TUB: variants seen among roughly 807,000 people sequenced by gnomAD.
TUB encodes the protein TUB bipartite transcription factor.
A neutral mutation model predicts 59.7 loss-of-function variants in TUB; 33 were observed. The observed-to-expected ratio is 0.55, with a 90% CI of 0.42 to 0.74. TUB has a LOEUF of 0.74. TUB is among the 30% of genes least tolerant of loss of function. The pLI is 0.00. For missense variants in TUB, 659 were observed against 672.0 expected, an observed-to-expected ratio of 0.98 and a Z score of 0.21; for synonymous variants, 293 against 256.4, an observed-to-expected ratio of 1.14 and a Z score of -1.36.
intron 1 of TUB, among the ~76,000 whole-genome samples, chr11:8,030,016 G>A (rs1422279183): frequency 2.0e-5 from 3 of 152,310 alleles, no homozygotes; most frequent in East Asian, 1.9e-4. Context: ...GAGGAATGGC[G>A]TTAGAGGGCA....
At chr11:8,087,680 A>G (rs984319396) in intron 1 of TUB, among the ~76,000 whole-genome samples, 7 of 152,362 alleles carry the variant, frequency 4.6e-5, no homozygotes, top group East Asian at 1.9e-4. Flanking sequence ...CACGGGGGAC[A>G]CTGGTGTTCG....
chr11:8,055,778 G>T (rs1190976469), intron 2 of TUB, among the ~76,000 whole-genome samples: 2 of 152,232 alleles, frequency 1.3e-5, no homozygotes, highest in African/African-American at 2.4e-5. Context: ...GTCTGGCAAG[G>T]CATAGGAAAG....
At chr11:8,045,668 G>C (rs1942819732) in intron 2 of TUB, among the ~76,000 whole-genome samples, 1 of 152,166 alleles carries the variant, frequency 6.6e-6, no homozygotes, top group Admixed American at 6.5e-5. Context: ...TCCAAAACTT[G>C]AAAAAATCCA....
At position 8,095,492 on chromosome 11, in the gene TUB, C is replaced by A. The variant is rs760094717; in HGVS notation, c.398-6C>A. 5 of 1,606,462 alleles carry A rather than the reference C, an allele frequency of 3.1e-6. No homozygotes were observed. The highest frequency in any genetic ancestry group is 4.3e-6 in the Non-Finnish European group (5 of 1,175,494). ...GATGTAACTCAGGCGTGTCCGTGGC[C>A]TGCAGGCACCAGCGGGCCAGCAGCA... On this transcript the variant is annotated splice_region_variant and splice_polypyrimidine_tract_variant and intron_variant, in intron 4 of 11. Transcript: ENST00000299506.
In TUB at chr11:8,081,349, G is replaced by A; in HGVS notation, c.-162G>A. On this transcript the variant is annotated 5_prime_UTR_variant, in exon 1 of 12. Transcript: ENST00000299506. ...GCGCAGGCAGCCGCTCGCAGAGCCA[G>A]CAGCCGGGGCCCTGGCGTGCAGCGC... 1.0e-6 allele frequency: 1 copy of A among 986,820 alleles called. No homozygotes were observed. Among genetic ancestry groups the A allele is most frequent in the Non-Finnish European group, 1.2e-6 (1 of 831,426 alleles). The allele number at this position is 986,820 out of a possible 1,614,324, so 61.1% of individuals were successfully genotyped here.
chr11:8,074,879 T>A (rs1423834907), intron 2 of TUB, among the ~76,000 whole-genome samples: 1 of 149,370 alleles, frequency 6.7e-6, no homozygotes, highest in Non-Finnish European at 1.5e-5. Flanking sequence ...CCCAAGTAGC[T>A]GGGATTACAG....
intron 2 of TUB, among the ~76,000 whole-genome samples, chr11:8,070,713 C>T (rs1044898126): frequency 6.6e-6 from 1 of 152,170 alleles, no homozygotes; most frequent in African/African-American, 2.4e-5. Flanking sequence ...CTTTGGCTTG[C>T]GGGGCAGGGA....
rs780069119 is a variant in TUB, at chr11:8,095,644, C to T, written c.544C>T (p.Arg182Cys). 93 of 1,605,250 alleles carry T rather than the reference C, an allele frequency of 5.8e-5. 2 individuals carry two copies. The South Asian group carries it at 9.1e-4, about 16-fold the overall frequency. Residue 182 changes from arginine to cysteine, a missense_variant, in exon 5 of 12, where the codon CGT (arginine) becomes TGT (cysteine). Arg to Cys is a radical substitution (Grantham distance 180, BLOSUM62 -3). Coordinates refer to ENST00000299506, the MANE Select transcript of TUB (RefSeq NM_177972.3). ...GGERPSGQDL[R>C]ATMQRKGISS... is the part of the protein sequence containing the mutation. ...CGAACGGCCCAGCGGGCAGGATCTC[C>T]GTGCCACGATGCAGAGGAAGGGTGA... is the stretch of plus-strand genomic sequence containing the variant.
In TUB at chr11:8,097,426, G is replaced by A; in HGVS notation, c.885+1G>A. 6.2e-7 allele frequency: 1 copy of A among 1,614,208 alleles called. No individual in the cohort carries two copies. Among genetic ancestry groups the A allele is most frequent in the Non-Finnish European group, 8.5e-7 (1 of 1,180,036 alleles). ...CCTGGACCGTGAGGATGGGAAGAAG[G>A]TAAGGTTGGTCTGGGCATGTTATCA... On this transcript the variant is annotated splice_donor_variant, in intron 7 of 11. Transcript: ENST00000299506. LOFTEE classifies it high-confidence loss of function.
chr11:8,073,573 C>T (rs1424452962), intron 2 of TUB, among the ~76,000 whole-genome samples: 1 of 152,184 alleles, frequency 6.6e-6, no homozygotes, highest in Non-Finnish European at 1.5e-5. Flanking sequence ...ATAAATTCTG[C>T]ATTTATGAAT....
chr11:8,059,458 G>T (rs958992781), intron 2 of TUB, among the ~76,000 whole-genome samples: 3 of 152,186 alleles, frequency 2.0e-5, no homozygotes, highest in African/African-American at 4.8e-5. Flanking sequence ...CCACAGATTT[G>T]TGTTAAAAAT....
intron 2 of TUB, among the ~76,000 whole-genome samples, chr11:8,075,140 T>C (rs555208059): frequency 1.2e-4 from 19 of 152,084 alleles, no homozygotes; most frequent in African/African-American, 4.4e-4. Flanking sequence ...TCCTAATTAA[T>C]AGACATTTTG....
In TUB at chr11:8,105,487, CAG is replaced by C. The variant is rs1231580157; in HGVS notation, c.*3869_*3870del. 2.0e-5 allele frequency: 3 copies of C among 152,048 alleles called. No individual in the cohort carries two copies. Among genetic ancestry groups the C allele is most frequent in the Non-Finnish European group, 4.4e-5 (3 of 68,002 alleles). 9.4% of individuals were successfully genotyped at this position (152,048 alleles called of 1,614,324 possible). On this transcript the variant is annotated 3_prime_UTR_variant, in exon 12 of 12. Coordinates refer to ENST00000299506, the MANE Select transcript of TUB (RefSeq NM_177972.3). ...GAGGGGCAGAACAGATAGATTACGA[CAG>C]GTTTGGTTTTTAAATTTTCCAACCA...
intron 3 of TUB, among the ~76,000 whole-genome samples, chr11:8,091,657 AC>A (rs1213976060): frequency 6.6e-6 from 1 of 152,014 alleles, no homozygotes; most frequent in East Asian, 1.9e-4. Context: ...TCAGTTCAGC[AC>A]CCTGGCCATA....
At chr11:8,065,882 C>T (rs1416199688) in intron 2 of TUB, among the ~76,000 whole-genome samples, 1 of 152,362 alleles carries the variant, frequency 6.6e-6, no homozygotes, top group Non-Finnish European at 1.5e-5. Flanking sequence ...CCTAGCACCA[C>T]TCCTGCACAT....
intron 1 of TUB, among the ~76,000 whole-genome samples, chr11:8,033,526 T>G (rs1423104012): frequency 6.6e-6 from 1 of 152,206 alleles, no homozygotes; most frequent in East Asian, 1.9e-4. Context: ...ACTCTGTAGT[T>G]CAGGACATAT....
At chr11:8,081,915 A>C (rs1310501741) in intron 1 of TUB, among the ~76,000 whole-genome samples, 1 of 152,200 alleles carries the variant, frequency 6.6e-6, no homozygotes. Flanking sequence ...ATCTGCACGC[A>C]TGCACCCACA....
At chr11:8,062,076 G>A (rs1185873687) in intron 2 of TUB, 1 of 152,776 alleles carries the variant, frequency 6.5e-6, no homozygotes, top group Admixed American at 6.5e-5. Flanking sequence ...ACAACAGGCT[G>A]GGGGACTCAA....
chr11:8,059,833 AAT>A (rs1179444662), intron 2 of TUB, among the ~76,000 whole-genome samples: 2 of 152,106 alleles, frequency 1.3e-5, no homozygotes, highest in Non-Finnish European at 2.9e-5. Flanking sequence ...TTAAAAGTGT[AAT>A]GTTCCTGGAG....
Sources: gnomAD v4.1 joint callset for allele counts (sites outside exome capture counted in the v4.1 genomes callset) on GRCh38, gnomAD v4.1.1 for gene constraint, MANE v1.5 for transcripts, NCBI Gene and HGNC (gene_info 2026-07-23, HGNC 2026-07-21) for gene names.